The following GALNTL6 variants were observed in gnomAD, a reference collection of about 807,000 sequenced individuals.
GALNTL6 encodes the protein polypeptide N-acetylgalactosaminyltransferase-like 6.
Under a neutral mutation model 73.7 loss-of-function variants are expected in GALNTL6, and 46 were observed. The ratio of observed to expected loss-of-function variants is 0.62; its 90% CI spans 0.49 to 0.80. The LOEUF (loss-of-function observed/expected upper bound fraction) is 0.80, where lower values mean the gene tolerates loss of function less well. Ranked by LOEUF, GALNTL6 falls within the 30% of genes least tolerant of loss-of-function variation. GALNTL6 has a pLI of 0.00. For synonymous variants in GALNTL6, 259 were observed against 263.7 expected, an observed-to-expected ratio of 0.98 and a Z score of 0.17; for missense variants, 604 against 755.0, an observed-to-expected ratio of 0.80 and a Z score of 2.34.
intron 5 of GALNTL6, among the ~76,000 whole-genome samples, chr4:172,734,559 C>T (rs1474026552): frequency 1.3e-5 from 2 of 152,214 alleles, no homozygotes; most frequent in Non-Finnish European, 2.9e-5. Context: ...GACTCCATGT[C>T]TCACATCCAG....
At chr4:172,417,242 G>A (rs1730871785) in intron 5 of GALNTL6, among the ~76,000 whole-genome samples, 1 of 151,698 alleles carries the variant, frequency 6.6e-6, no homozygotes, top group Non-Finnish European at 1.5e-5. Context: ...TAATGTAGCT[G>A]TTCTTTTTGT....
intron 7 of GALNTL6, among the ~76,000 whole-genome samples, chr4:172,858,145 G>A (rs1178274523): frequency 1.3e-5 from 2 of 152,024 alleles, no homozygotes; most frequent in African/African-American, 4.8e-5. Context: ...ATGAAAAAGG[G>A]GTGACATTCC....
chr4:172,559,058 A>AGTTTT (rs1736248991), intron 5 of GALNTL6, among the ~76,000 whole-genome samples: 1 of 77,380 alleles, frequency 1.3e-5, no homozygotes, highest in African/African-American at 5.4e-5. Context: ...ATGATAATGG[A>AGTTTT]TTTTTTTTTT....
At chr4:171,874,276 C>T (rs1293762558) in intron 2 of GALNTL6, among the ~76,000 whole-genome samples, 4 of 152,096 alleles carry the variant, frequency 2.6e-5, no homozygotes, top group African/African-American at 9.7e-5. Flanking sequence ...AATCTTGGCT[C>T]ACGGCAACCT....
At chr4:173,002,065 A>G (rs1170644465) in intron 10 of GALNTL6, among the ~76,000 whole-genome samples, 2 of 152,258 alleles carry the variant, frequency 1.3e-5, no homozygotes, top group East Asian at 3.8e-4. Context: ...TTTACATGCC[A>G]GTGTTCACAG....
At chr4:172,701,073 G>A (rs1734002488) in intron 5 of GALNTL6, among the ~76,000 whole-genome samples, 1 of 152,114 alleles carries the variant, frequency 6.6e-6, no homozygotes. Context: ...TTTTCATTTA[G>A]AGACACCATG....
At chr4:172,329,458 G>C (rs1561028688) in intron 4 of GALNTL6, among the ~76,000 whole-genome samples, 1 of 152,168 alleles carries the variant, frequency 6.6e-6, no homozygotes. Flanking sequence ...AGCACCTAAA[G>C]ATATCAACAG....
At chr4:172,683,432 A>G (rs1176950841) in intron 5 of GALNTL6, among the ~76,000 whole-genome samples, 2 of 152,194 alleles carry the variant, frequency 1.3e-5, no homozygotes, top group African/African-American at 4.8e-5. Context: ...CAATATAACT[A>G]TTTTACTTTT....
At chr4:172,644,946 T>G (rs1417423049) in intron 5 of GALNTL6, among the ~76,000 whole-genome samples, 1 of 152,038 alleles carries the variant, frequency 6.6e-6, no homozygotes, top group Non-Finnish European at 1.5e-5. Context: ...TCATAATGAC[T>G]AATGATATTG....
At chr4:172,112,682 C>T (rs765776750) in intron 2 of GALNTL6, among the ~76,000 whole-genome samples, 2 of 151,752 alleles carry the variant, frequency 1.3e-5, no homozygotes, top group Admixed American at 6.6e-5. Flanking sequence ...TATTTGTGTT[C>T]CCCCAAAATC....
rs189983458 is a variant in GALNTL6 at position 172,945,772 on chromosome 4, T to A, written c.1150-6265T>A. Reference sequence around the variant, plus strand: ...GGACTAGATTAGCCTCCTCTCCTTATGCTGAAAGTTTCCCACTGACTTCAA... The same window carrying A: ...GGACTAGATTAGCCTCCTCTCCTTAAGCTGAAAGTTTCCCACTGACTTCAA... On this transcript the variant is annotated intron_variant, in intron 9 of 12. Transcript: ENST00000506823. Among the ~76,000 whole-genome samples, 163 of 152,304 alleles carry A rather than the reference T, an allele frequency of 1.1e-3. 1 individual carries two copies. Among genetic ancestry groups the A allele is most frequent in the African/African-American group, 3.8e-3 (157 of 41,570 alleles).
intron 2 of GALNTL6, among the ~76,000 whole-genome samples, chr4:171,992,747 C>A (rs1327649322): frequency 6.6e-6 from 1 of 151,926 alleles, no homozygotes; most frequent in Non-Finnish European, 1.5e-5. Flanking sequence ...AACTAGAAAG[C>A]CTAAGTAGCC....
At chr4:171,966,063 A>G (rs1250223309) in intron 2 of GALNTL6, among the ~76,000 whole-genome samples, 1 of 152,090 alleles carries the variant, frequency 6.6e-6, no homozygotes, top group Non-Finnish European at 1.5e-5. Context: ...TCTATGACAG[A>G]TTTCTTTTTT....
chr4:172,225,603 A>G (rs1048094463), intron 2 of GALNTL6, among the ~76,000 whole-genome samples: 34 of 152,170 alleles, frequency 2.2e-4, no homozygotes, highest in Non-Finnish European at 4.6e-4. Flanking sequence ...ACAAGTTCCC[A>G]TGATGGCCGG....
intron 5 of GALNTL6, among the ~76,000 whole-genome samples, chr4:172,767,667 C>CT (rs1553986523): frequency 0.012 from 1,476 of 118,120 alleles, 48 homozygotes; most frequent in African/African-American, 0.034. Flanking sequence ...GATTTTTTTT[C>CT]TTTTTTTTTT....
intron 5 of GALNTL6, among the ~76,000 whole-genome samples, chr4:172,570,211 G>A (rs569616840): frequency 4.6e-5 from 7 of 152,218 alleles, no homozygotes; most frequent in South Asian, 4.2e-4. Context: ...AGACGAGCCC[G>A]GGCAGCCCAG....
At chr4:172,089,947 A>C (rs1732153028) in intron 2 of GALNTL6, among the ~76,000 whole-genome samples, 1 of 151,998 alleles carries the variant, frequency 6.6e-6, no homozygotes, top group Non-Finnish European at 1.5e-5. Context: ...CGAGAACATG[A>C]GGTGTTTAGT....
chr4:172,344,751 C>T (rs1398624166), intron 4 of GALNTL6, among the ~76,000 whole-genome samples: 1 of 152,184 alleles, frequency 6.6e-6, no homozygotes, highest in Non-Finnish European at 1.5e-5. Flanking sequence ...TTCCTTCAGG[C>T]TCTCAATGTC....
At chr4:172,672,412 G>A (rs181841668) in intron 5 of GALNTL6, among the ~76,000 whole-genome samples, 22 of 152,294 alleles carry the variant, frequency 1.4e-4, no homozygotes, top group Non-Finnish European at 2.1e-4. Flanking sequence ...GATTCAGTTT[G>A]CCAGTATTTT....
Sources: gnomAD v4.1 joint callset for allele counts (sites outside exome capture counted in the v4.1 genomes callset) on GRCh38, gnomAD v4.1.1 for gene constraint, MANE v1.5 for transcripts, NCBI Gene and HGNC (gene_info 2026-07-23, HGNC 2026-07-21) for gene names.